The following LIN54 variants were observed in gnomAD, a reference collection of about 807,000 sequenced individuals.
LIN54 encodes the protein protein lin-54 homolog.
A neutral mutation model predicts 78.7 loss-of-function variants in LIN54; 9 were observed. The observed-to-expected ratio is 0.11, with a 90% CI of 0.07 to 0.20. The LOEUF (loss-of-function observed/expected upper bound fraction) is 0.20. Ranked by LOEUF, LIN54 falls within the 10% of genes least tolerant of loss-of-function variation. LIN54 has a pLI of 1.00. For synonymous variants in LIN54, 269 were observed against 318.4 expected (o/e 0.84, Z 1.65); for missense variants, 573 against 889.9 (o/e 0.64, Z 4.53).
Position 82,932,740 on chromosome 4 carries a change from G to A in LIN54, c.1846-1595C>T, listed in dbSNP as rs185089219. On this transcript the variant is annotated intron_variant, in intron 11 of 12. Coordinates refer to ENST00000340417, the MANE Select transcript of LIN54 (RefSeq NM_194282.4). ...CTCGAGAGGCTGAGGCAGGAGAATCGCTTGAACCCGGGAGGCGGAGGTTGC... is the reference window on the plus strand; with the variant it reads ...CTCGAGAGGCTGAGGCAGGAGAATCACTTGAACCCGGGAGGCGGAGGTTGC... Among the ~76,000 whole-genome samples the A allele has an allele frequency of 5.0e-3, 765 of 151,782 alleles. 18 individuals carry two copies. The highest frequency in any genetic ancestry group is 0.017 in the African/African-American group (724 of 41,426).
intron 4 of LIN54, among the ~76,000 whole-genome samples, chr4:82,967,410 G>A (rs1474053898): frequency 2.0e-5 from 3 of 152,136 alleles, no homozygotes; most frequent in African/African-American, 7.2e-5. Flanking sequence ...GAAAGAAGAT[G>A]GCTGCAGCTG....
At chr4:82,993,051 T>C (rs1479712747) in intron 1 of LIN54, among the ~76,000 whole-genome samples, 2 of 141,754 alleles carry the variant, frequency 1.4e-5, no homozygotes, top group Admixed American at 7.1e-5. Flanking sequence ...AAAAAAGAAA[T>C]GAGGTTTTAC....
At chr4:82,960,486 T>A (rs2126060827) in intron 4 of LIN54, among the ~76,000 whole-genome samples, 1 of 150,926 alleles carries the variant, frequency 6.6e-6, no homozygotes, top group South Asian at 2.1e-4. Flanking sequence ...CAGGTTGGAG[T>A]GAAGTGGTAC....
At chr4:82,959,260 G>C (rs1370080019) in intron 4 of LIN54, among the ~76,000 whole-genome samples, 1 of 152,130 alleles carries the variant, frequency 6.6e-6, no homozygotes, top group East Asian at 1.9e-4. Flanking sequence ...CAACTCAGGA[G>C]GTTGAGGAGG....
chr4:82,983,306 C>A (rs1000456816), intron 2 of LIN54, among the ~76,000 whole-genome samples: 1 of 152,072 alleles, frequency 6.6e-6, no homozygotes, highest in Non-Finnish European at 1.5e-5. Context: ...AGCCACCACG[C>A]CCCGCCGATC....
At chr4:83,005,360 G>T (rs1005014527) in intron 1 of LIN54, among the ~76,000 whole-genome samples, 1 of 151,996 alleles carries the variant, frequency 6.6e-6, no homozygotes, top group Non-Finnish European at 1.5e-5. Context: ...AACAGGGGCC[G>T]GGCACGGTGG....
At chr4:82,998,943 T>C (rs1728499790) in intron 1 of LIN54, among the ~76,000 whole-genome samples, 1 of 152,144 alleles carries the variant, frequency 6.6e-6, no homozygotes, top group Non-Finnish European at 1.5e-5. Flanking sequence ...AATTATATCA[T>C]TTGCAGTGGA....
chr4:83,007,389 C>T (rs910612697), intron 1 of LIN54, among the ~76,000 whole-genome samples: 2 of 152,084 alleles, frequency 1.3e-5, no homozygotes, highest in African/African-American at 4.8e-5. Context: ...CATGGAGATT[C>T]AAATCAGAAA....
intron 5 of LIN54, among the ~76,000 whole-genome samples, chr4:82,945,243 T>C (rs912340673): frequency 1.3e-5 from 2 of 152,224 alleles, no homozygotes; most frequent in African/African-American, 2.4e-5. Flanking sequence ...TATCACTTAA[T>C]TGCCATCAAC....
intron 1 of LIN54, among the ~76,000 whole-genome samples, chr4:82,999,797 G>GT (rs1560792522): frequency 7.3e-6 from 1 of 137,698 alleles, no homozygotes; most frequent in Non-Finnish European, 1.5e-5. Context: ...AAAAAAAAAG[G>GT]CAAGAAAACA....
At chr4:82,929,504 T>C (rs1228994608) in intron 12 of LIN54, among the ~76,000 whole-genome samples, 1 of 152,136 alleles carries the variant, frequency 6.6e-6, no homozygotes, top group Non-Finnish European at 1.5e-5. Flanking sequence ...TCAAGAGTTC[T>C]TTAGAACTAA....
rs1286515030 is a variant in LIN54, at chr4:82,938,451, T to C, written c.1494A>G (p.Thr498=). The C allele has an allele frequency of 6.2e-7, 1 of 1,612,026 alleles. No individual in the cohort carries two copies. Among genetic ancestry groups the C allele is most frequent in the Non-Finnish European group, 8.5e-7 (1 of 1,178,112 alleles). Residue 498 remains threonine (T), a synonymous_variant, in exon 8 of 13, where the codon ACA becomes ACG. Transcript: ENST00000340417. ...SIASNSTFTG[T]SGIQTQARLP... ...GCCGTGCCTGGGTCTGGATACCAGA[T>C]GTTCCAGTAAAGGTAGAGTTGCTTG...
Position 82,936,076 on chromosome 4 carries a change from C to T in LIN54, c.1750G>A (p.Gly584Arg). 6.2e-7 allele frequency: 1 copy of T among 1,614,042 alleles called. No homozygotes were observed. The highest frequency in any genetic ancestry group is 1.3e-5 in the African/African-American group (1 of 75,054). Residue 584 changes from glycine to arginine, a missense_variant, in exon 11 of 13, where the codon GGG becomes AGG. Physicochemically the swap from Gly to Arg is moderately radical, Grantham distance 125. Coordinates refer to ENST00000340417, the MANE Select transcript of LIN54 (RefSeq NM_194282.4). The stretch of plus-strand genomic sequence containing the variant: ...TCAGATTCTCCCTCCTTTCCTTTCC[C>T]TATCTTAGGCTTAAAGGCTTCTGGA... Reference protein sequence around the residue: ...RNPEAFKPKIGKGKEGESDRR... With the variant: ...RNPEAFKPKIRKGKEGESDRR...
chr4:82,936,130 G>T lies in LIN54; in HGVS notation c.1708-12C>A. On this transcript the variant is annotated splice_polypyrimidine_tract_variant and intron_variant, in intron 10 of 12. Coordinates refer to ENST00000340417, the MANE Select transcript of LIN54 (RefSeq NM_194282.4). ...CTGTCAAGGCATGCCTAGCAAAACA[G>T]ATCAAATATCAGTTAGAGTTAAATC... 6.2e-7 allele frequency: 1 copy of T among 1,613,746 alleles called. No individual in the cohort carries two copies. Among genetic ancestry groups the T allele is most frequent in the Non-Finnish European group, 8.5e-7 (1 of 1,179,752 alleles).
At chr4:82,935,030 A>C (rs1722281072) in intron 11 of LIN54, among the ~76,000 whole-genome samples, 1 of 152,150 alleles carries the variant, frequency 6.6e-6, no homozygotes, top group African/African-American at 2.4e-5. Context: ...TAACCAGCTC[A>C]GTGGAACAAC....
At chr4:82,947,193 A>G (rs1362102849) in intron 4 of LIN54, among the ~76,000 whole-genome samples, 27 of 138,452 alleles carry the variant, frequency 2.0e-4, no homozygotes, top group Non-Finnish European at 2.5e-4. Flanking sequence ...GTATTCCCTG[A>G]GTCAAAAAAA....
intron 1 of LIN54, among the ~76,000 whole-genome samples, chr4:83,003,245 C>T (rs1427803783): frequency 6.6e-6 from 1 of 152,052 alleles, no homozygotes; most frequent in Non-Finnish European, 1.5e-5. Flanking sequence ...GAACTCCTGA[C>T]CTCAATTGAT....
chr4:82,941,508 T>C (rs1006050770), intron 5 of LIN54, among the ~76,000 whole-genome samples: 2 of 152,138 alleles, frequency 1.3e-5, no homozygotes, highest in Admixed American at 6.6e-5. Flanking sequence ...ATGAGAAGTT[T>C]CTAGGGATTT....
chr4:82,977,368 G>C (rs1726247332), intron 3 of LIN54, among the ~76,000 whole-genome samples: 1 of 152,092 alleles, frequency 6.6e-6, no homozygotes, highest in African/African-American at 2.4e-5. Context: ...ACCCTTTCCA[G>C]TATTTTCTTT....
Sources: allele counts gnomAD v4.1 joint callset (sites outside exome capture counted in the v4.1 genomes callset), GRCh38; gene constraint gnomAD v4.1.1; transcripts MANE v1.5; gene names NCBI Gene and HGNC (gene_info 2026-07-23, HGNC 2026-07-21).